GARNL3: variants seen among roughly 807,000 people sequenced by gnomAD.
The protein encoded by GARNL3 is GTPase-activating Rap/Ran-GAP domain-like protein 3.
Under a neutral mutation model 125.0 loss-of-function variants are expected in GARNL3, and 63 were observed. The ratio of observed to expected loss-of-function variants is 0.50; its 90% CI spans 0.41 to 0.62. GARNL3 has a LOEUF of 0.62. Ranked by LOEUF, GARNL3 falls within the 20% of genes least tolerant of loss-of-function variation. GARNL3 has a pLI of 0.00. For synonymous variants in GARNL3, 439 were observed against 457.5 expected (o/e 0.96, Z 0.52); for missense variants, 994 against 1,244.0 (o/e 0.80, Z 3.02).
chr9:127,383,348 CT>C (rs1177732436), intron 22 of GARNL3, 89 bp from the exon 23 acceptor site: 1 of 746,842 alleles, frequency 1.3e-6, no homozygotes, highest in African/African-American at 1.8e-5. Flanking sequence ...AGATAGGGTA[CT>C]ATTCTTGTTG....
chr9:127,369,447 G>A (rs1009681930), intron 22 of GARNL3, among the ~76,000 whole-genome samples: 1 of 152,220 alleles, frequency 6.6e-6, no homozygotes, highest in African/African-American at 2.4e-5. Context: ...TGAAACTAAA[G>A]AAATTACCAA....
intron 7 of GARNL3, among the ~76,000 whole-genome samples, chr9:127,331,671 T>C (rs1409643326): frequency 6.6e-6 from 1 of 150,830 alleles, no homozygotes; most frequent in Non-Finnish European, 1.5e-5. Flanking sequence ...AAGTTGGAGA[T>C]GGTAGATTGC....
At chr9:127,386,251 C>G (rs1303559218) in intron 24 of GARNL3, among the ~76,000 whole-genome samples, 1 of 152,170 alleles carries the variant, frequency 6.6e-6, no homozygotes, top group Non-Finnish European at 1.5e-5. Context: ...ATTTTTCACC[C>G]TCATACAACT....
chr9:127,266,814 G>A lies in GARNL3; in HGVS notation c.144+1793G>A, dbSNP rs562868055. On this transcript the variant is annotated intron_variant, in intron 1 of 27. Coordinates refer to ENST00000373387, the MANE Select transcript of GARNL3 (RefSeq NM_032293.5). This position sits in a 1 kb window ranked among gnomAD's most constrained non-coding sequence, Gnocchi z 4.0. Reference sequence around the variant, plus strand: ...CTTGGCCTAGCAAGTAATATGGAGCGCTTTTAAACAGTGACAACATTACTT... The same window carrying A: ...CTTGGCCTAGCAAGTAATATGGAGCACTTTTAAACAGTGACAACATTACTT... Among the ~76,000 whole-genome samples, 110 of 152,264 alleles carry A rather than the reference G, an allele frequency of 7.2e-4. No homozygotes were observed. The Middle Eastern group carries it at 0.014, about 19-fold the overall frequency.
intron 1 of GARNL3, among the ~76,000 whole-genome samples, chr9:127,288,515 G>A (rs2064317887): frequency 1.3e-5 from 2 of 152,194 alleles, no homozygotes; most frequent in African/African-American, 4.8e-5. Flanking sequence ...TGGTCATCAA[G>A]GTGACAGATG....
In GARNL3 at chr9:127,342,096, C is replaced by A. The variant is rs967325272; in HGVS notation, c.1136-123C>A. On this transcript the variant is annotated intron_variant, in intron 13 of 27. Transcript: ENST00000373387. ...TCCAAGGTACTAAGCAGAAAAAAAA[C>A]CTCAAACAAAAAAATTCCTAGATTC... The A allele has an allele frequency of 4.3e-5, 30 of 691,098 alleles. No individual in the cohort carries two copies. The African/African-American group carries it at 5.4e-4, about 13-fold the overall frequency. The allele number at this position is 691,098 out of a possible 1,614,324, so 42.8% of individuals were successfully genotyped here.
upstream of GARNL3, chr9:127,264,233 T>C (rs2063653950): frequency 2.9e-6 from 1 of 345,664 alleles, no homozygotes; most frequent in Non-Finnish European, 5.2e-6. Flanking sequence ...TGTGCAACTG[T>C]GCATTCAGGA....
In GARNL3 at chr9:127,266,300, T is replaced by C. The variant is rs2063704710; in HGVS notation, c.144+1279T>C. Among the ~76,000 whole-genome samples, 1 of 152,162 alleles carries C rather than the reference T, an allele frequency of 6.6e-6. No homozygotes were observed. Among genetic ancestry groups the C allele is most frequent in the Non-Finnish European group, 1.5e-5 (1 of 68,026 alleles). ...CACCATGGAAGACCTTGCAGAGAGC[T>C]GTGGGATGTGGATTGGTGGCAGAGA... On this transcript the variant is annotated intron_variant, in intron 1 of 27. Coordinates refer to ENST00000373387, the MANE Select transcript of GARNL3 (RefSeq NM_032293.5). This position sits in a 1 kb window ranked among gnomAD's most constrained non-coding sequence, Gnocchi z 4.0.
At chr9:127,361,747 G>A (rs535101686) in intron 21 of GARNL3, 4 of 152,320 alleles carry the variant, frequency 2.6e-5, no homozygotes, top group South Asian at 4.1e-4. Context: ...TCAGCACAGC[G>A]TTGGAGCCCC....
At chr9:127,261,582 G>A (rs1365095515), upstream of GARNL3, among the ~76,000 whole-genome samples, 1 of 151,702 alleles carries the variant, frequency 6.6e-6, no homozygotes. Flanking sequence ...GGCTAATTTT[G>A]TATTTTTTTT....
chr9:127,352,441 C>A (rs1830466915), intron 17 of GARNL3, among the ~76,000 whole-genome samples: 1 of 152,142 alleles, frequency 6.6e-6, no homozygotes, highest in South Asian at 2.1e-4. Context: ...AGTTATTTAG[C>A]CAACTATGAT....
intron 13 of GARNL3, among the ~76,000 whole-genome samples, chr9:127,340,472 G>T (rs902178777): frequency 2.0e-5 from 3 of 152,040 alleles, no homozygotes; most frequent in Admixed American, 6.6e-5. Flanking sequence ...CCCTGGCAGG[G>T]CTGCTTGGTC....
At chr9:127,279,083 A>G (rs917235713) in intron 1 of GARNL3, among the ~76,000 whole-genome samples, 4 of 152,140 alleles carry the variant, frequency 2.6e-5, no homozygotes, top group Non-Finnish European at 4.4e-5. Context: ...GGGGGACACT[A>G]TTCAACCAGT....
At chr9:127,262,965 T>A (rs1449801629), upstream of GARNL3, among the ~76,000 whole-genome samples, 1 of 152,218 alleles carries the variant, frequency 6.6e-6, no homozygotes, top group Non-Finnish European at 1.5e-5. Flanking sequence ...TTGGCTGGTT[T>A]GAATGCCTCC....
chr9:127,368,026 T>C (rs1831381742), intron 22 of GARNL3, among the ~76,000 whole-genome samples: 1 of 147,820 alleles, frequency 6.8e-6, no homozygotes, highest in South Asian at 2.2e-4. Context: ...TTTTTTTTTT[T>C]TTTTTTGAGG....
At chr9:127,368,426 G>A (rs1167908650) in intron 22 of GARNL3, among the ~76,000 whole-genome samples, 7 of 150,994 alleles carry the variant, frequency 4.6e-5, no homozygotes, top group East Asian at 2.0e-4. Context: ...TGCCTCCCAA[G>A]TTCAAGCAAT....
chr9:127,313,475 G>T lies in GARNL3; in HGVS notation c.354G>T (p.Lys118Asn). 1 of 1,614,068 alleles carries T rather than the reference G, an allele frequency of 6.2e-7. No individual in the cohort carries two copies. Among genetic ancestry groups the T allele is most frequent in the Non-Finnish European group, 8.5e-7 (1 of 1,179,928 alleles). Residue 118 changes from lysine (K) to asparagine (N), a missense_variant, in exon 4 of 28, where the codon AAG becomes AAT. Physicochemically the swap from Lys to Asn is moderately conservative, Grantham distance 94. Coordinates refer to ENST00000373387, the MANE Select transcript of GARNL3 (RefSeq NM_032293.5). ...HQNYIGNDAEKSPFFLSVTLS... is the reference protein window; with the variant it reads ...HQNYIGNDAENSPFFLSVTLS... The stretch of plus-strand genomic sequence containing the variant: ...ACTACATTGGAAACGATGCCGAGAA[G>T]AGCCCTTTCTTCTTGTCCGTGACCC...
rs746029475 is a variant in GARNL3 at position 127,365,286 on chromosome 9, C to T, written c.2095-14C>T. The T allele has an allele frequency of 1.1e-5, 18 of 1,610,866 alleles. No individual in the cohort carries two copies. The South Asian group carries it at 1.5e-4, about 14-fold the overall frequency. On this transcript the variant is annotated splice_polypyrimidine_tract_variant and intron_variant, in intron 21 of 27. Coordinates refer to ENST00000373387, the MANE Select transcript of GARNL3 (RefSeq NM_032293.5). ...ATCCAGCCTGCCCACTACCGTTGCC[C>T]GTTATCATTGCAGGTTAATTTTGTT...
At chr9:127,241,821 G>A (rs2063210087) in intron 1 of GARNL3, among the ~76,000 whole-genome samples, 1 of 152,172 alleles carries the variant, frequency 6.6e-6, no homozygotes, top group African/African-American at 2.4e-5. Context: ...AGGCTGAAGT[G>A]CAGTGGTGCA....
Sources: allele counts gnomAD v4.1 joint callset (sites outside exome capture counted in the v4.1 genomes callset), GRCh38; gene constraint gnomAD v4.1.1; non-coding constraint Gnocchi (gnomAD v3.1); transcripts MANE v1.5; gene names NCBI Gene and HGNC (gene_info 2026-07-23, HGNC 2026-07-21).